Variants in CFAP65 observed in about 807,000 individuals in gnomAD.
The protein encoded by CFAP65 is cilia and flagella associated protein 65.
CFAP65 carries 155 observed loss-of-function variants against 208.0 expected under a neutral mutation model. The ratio of observed to expected loss-of-function variants is 0.75; its 90% CI spans 0.65 to 0.85. The LOEUF is 0.85. Ranked by LOEUF, CFAP65 falls within the 40% of genes least tolerant of loss-of-function variation. The pLI is 0.00. For missense variants in CFAP65, 2,294 were observed against 2,451.3 expected (o/e 0.94, Z 1.36); for synonymous variants, 970 against 986.3 (o/e 0.98, Z 0.31).
At position 219,004,891 on chromosome 2, in the gene CFAP65, C is replaced by G. The variant is rs538925425; in HGVS notation, c.5052-436G>C. Among the ~76,000 whole-genome samples the G allele has an allele frequency of 1.1e-3, 168 of 151,344 alleles. No individual in the cohort carries two copies. Among genetic ancestry groups the G allele is most frequent in the Non-Finnish European group, 1.5e-3 (102 of 67,884 alleles). On this transcript the variant is annotated intron_variant, in intron 32 of 34. Coordinates refer to ENST00000341552, the MANE Select transcript of CFAP65 (RefSeq NM_194302.4). This position sits in a 1 kb window ranked among gnomAD's most constrained non-coding sequence, Gnocchi z 4.7. ...TTCTGTTTCTTTTTTTCTTTTCTCT[C>G]TCTCTCTATTTCTCTCTTTCTTTCT...
At chr2:219,008,717 G>A (rs1372303809) in intron 29 of CFAP65, among the ~76,000 whole-genome samples, 5 of 152,226 alleles carry the variant, frequency 3.3e-5, no homozygotes, top group South Asian at 2.1e-4. Context: ...CTGGGTGACC[G>A]AGTGAGACTC....
In CFAP65 at chr2:219,031,696, G is replaced by A. The variant is rs1327349003; in HGVS notation, c.646-38C>T. The A allele has an allele frequency of 1.9e-6, 3 of 1,565,608 alleles. No homozygotes were observed. The highest frequency in any genetic ancestry group is 1.7e-6 in the Non-Finnish European group (2 of 1,153,662). Reference sequence around the variant, plus strand: ...GCGGGGCAGGGGCAGTCACCCATCAGTGGCATTCAGGGACTGCACATCCCG... The same window carrying A: ...GCGGGGCAGGGGCAGTCACCCATCAATGGCATTCAGGGACTGCACATCCCG... On this transcript the variant is annotated intron_variant, in intron 6 of 34. Coordinates refer to ENST00000341552, the MANE Select transcript of CFAP65 (RefSeq NM_194302.4). The surrounding 1 kb of genome is among the most constrained non-coding windows in gnomAD (Gnocchi z 5.2).
chr2:219,035,397 G>A (rs201961403), intron 5 of CFAP65, 83 bp downstream of exon 5: 1 of 1,606,184 alleles, frequency 6.2e-7, no homozygotes, highest in Admixed American at 1.7e-5. Flanking sequence ...GGTTTTTTTT[G>A]TTTGTTTTGT....
At position 219,030,110 on chromosome 2, in the gene CFAP65, C is replaced by G; in HGVS notation, c.1260G>C (p.Glu420Asp). 4 of 1,614,156 alleles carry G rather than the reference C, an allele frequency of 2.5e-6. No individual in the cohort carries two copies. Among genetic ancestry groups the G allele is most frequent in the Non-Finnish European group, 3.4e-6 (4 of 1,180,008 alleles). The change falls in exon 10 of 35, where the codon GAG (glutamate) becomes GAC (aspartate). Residue 420 changes from glutamate (E) to aspartate (D), a missense_variant. Glu to Asp is a conservative substitution (Grantham distance 45, BLOSUM62 2). Around this residue, in one of 2 missense-constraint regions of CFAP65, gnomAD observed 867 missense variants for 1,012.6 expected, o/e 0.86. Transcript: ENST00000341552. ...GGAAGAACACCGACACACATTTCTT[C>G]TCTCCCGGAAGCACGATGCCATGGG... ...PTAHGIVLPG[E>D]KKCVSVFFHP...
At chr2:219,019,004 T>C in intron 21 of CFAP65, 47 bp downstream of exon 21, 3 of 1,612,992 alleles carry the variant, frequency 1.9e-6, no homozygotes, top group Non-Finnish European at 2.5e-6. Flanking sequence ...CTTCAGCCTC[T>C]AGGCACTTGT....
intron 21 of CFAP65, among the ~76,000 whole-genome samples, chr2:219,016,558 G>C (rs1405626066): frequency 6.6e-6 from 1 of 151,980 alleles, no homozygotes; most frequent in Non-Finnish European, 1.5e-5. Flanking sequence ...GCCTCCCAAA[G>C]TGCTGAGATT....
chr2:219,019,213 G>A lies in CFAP65; in HGVS notation c.3474-34C>T, dbSNP rs757199204. 28 of 1,589,846 alleles carry A rather than the reference G, an allele frequency of 1.8e-5. No individual in the cohort carries two copies. In the East Asian group the frequency reaches 5.4e-4, roughly 31 times the overall value. ...AACAGAGAAAGGGGTTCAGAGATGG[G>A]GATGGGGCCAGGGCAGGGCCCTCCC... On this transcript the variant is annotated intron_variant, in intron 20 of 34. Transcript: ENST00000341552.
Position 219,032,563 on chromosome 2 carries a change from C to T in CFAP65, c.552G>A (p.Lys184=), listed in dbSNP as rs1432459674. 3 of 1,598,096 alleles carry T rather than the reference C, an allele frequency of 1.9e-6. No homozygotes were observed. Among genetic ancestry groups the T allele is most frequent in the South Asian group, 2.3e-5 (2 of 88,064 alleles). ...GGATGACCGTGAAGAAGAACTTGGT[C>T]TTGGGGGGCCTGCAGGAGAGAGCCG... ...KLQKMKYRPP[K]TKFFFTVIPQ... The change falls in exon 6 of 35, where the codon AAG becomes AAA. Residue 184 remains lysine, a synonymous_variant. Transcript: ENST00000341552. This position sits in a 1 kb window ranked among gnomAD's most constrained non-coding sequence, Gnocchi z 5.5.
rs867829414 is a variant in CFAP65 at position 219,004,961 on chromosome 2, C to T, written c.5051+473G>A. 1.5e-5 allele frequency among the ~76,000 whole-genome samples: 2 copies of T among 136,524 alleles called. No homozygotes were observed. Among genetic ancestry groups the T allele is most frequent in the African/African-American group, 6.3e-5 (2 of 31,778 alleles). 89.6% of individuals were successfully genotyped at this position (136,524 alleles called of 152,430 possible). On this transcript the variant is annotated intron_variant, in intron 32 of 34. Coordinates refer to ENST00000341552, the MANE Select transcript of CFAP65 (RefSeq NM_194302.4). The surrounding 1 kb of genome is among the most constrained non-coding windows in gnomAD (Gnocchi z 4.7). Reference sequence around the variant, plus strand: ...TTTCTTTCTTTCTTTCTTTCTTTCTCTCTCTTTCTTTCTTTCTCTCTTTCT... The same window carrying T: ...TTTCTTTCTTTCTTTCTTTCTTTCTTTCTCTTTCTTTCTTTCTCTCTTTCT...
At chr2:219,017,046 C>G (rs1398006590) in intron 21 of CFAP65, among the ~76,000 whole-genome samples, 3 of 152,232 alleles carry the variant, frequency 2.0e-5, no homozygotes, top group African/African-American at 7.2e-5. Context: ...TGAAATGCTG[C>G]ACACACCTCC....
In CFAP65 at chr2:219,003,898, G is replaced by T. The variant is rs1056744252; in HGVS notation, c.5555+54C>A. 1.3e-5 allele frequency: 20 copies of T among 1,565,564 alleles called. No individual in the cohort carries two copies. The African/African-American group carries it at 2.0e-4, about 16-fold the overall frequency. The stretch of plus-strand genomic sequence containing the variant: ...ATCCTTGGCATCCCACTGCCTCCTA[G>T]GAACCTTCTGCACTTCGCCTCCCTC... On this transcript the variant is annotated intron_variant, in intron 33 of 34. Coordinates refer to ENST00000341552, the MANE Select transcript of CFAP65 (RefSeq NM_194302.4). This position sits in a 1 kb window ranked among gnomAD's most constrained non-coding sequence, Gnocchi z 4.4.
intron 14 of CFAP65, 131 bp downstream of exon 14, chr2:219,025,891 C>T (rs895210050): frequency 1.9e-5 from 22 of 1,146,158 alleles, no homozygotes; most frequent in Admixed American, 1.5e-4. Flanking sequence ...GCACAGCGGA[C>T]GTGGGGACAG....
rs140409891 is a variant in CFAP65 at position 219,027,939 on chromosome 2, G to C, written c.1922C>G (p.Thr641Ser). Residue 641 changes from threonine (T) to serine (S), a missense_variant, in exon 13 of 35, where the codon ACC becomes AGC. Transcript: ENST00000341552. The part of the protein sequence containing the change: ...PPMTEFFFDG[T>S]SDITIFPPPI... ...CGGGGGGAAGATGGTTATGTCGCTG[G>C]TGCCGTCGAAGAAGAACTCGGTCAT... 17 of 1,521,396 alleles carry C rather than the reference G, an allele frequency of 1.1e-5. No individual in the cohort carries two copies. In the African/African-American group the frequency reaches 1.9e-4, roughly 17 times the overall value. The allele number at this position is 1,521,396 out of a possible 1,614,324, so 94.2% of individuals were successfully genotyped here.
intron 5 of CFAP65, chr2:219,035,189 G>A (rs959380754): frequency 5.1e-6 from 4 of 789,984 alleles, no homozygotes; most frequent in Non-Finnish European, 7.7e-6. Flanking sequence ...TTGTACTTAT[G>A]TAACTGGACA....
chr2:219,010,892 G>A lies in CFAP65; in HGVS notation c.4062C>T (p.Cys1354=). 1 of 1,613,866 alleles carries A rather than the reference G, an allele frequency of 6.2e-7. No homozygotes were observed. The highest frequency in any genetic ancestry group is 8.5e-7 in the Non-Finnish European group (1 of 1,180,008). The part of the protein sequence containing the change: ...QEKNFDHPIF[C]CLNPKGEIQP... ...GGATCTCCCCTTTGGGGTTGAGGCAGCAAAAGATGGGGTGATCAAAATTTT... is the reference window on the plus strand; with the variant it reads ...GGATCTCCCCTTTGGGGTTGAGGCAACAAAAGATGGGGTGATCAAAATTTT... The change falls in exon 25 of 35, where the codon TGC becomes TGT. Residue 1354 remains cysteine (C), a synonymous_variant. Coordinates refer to ENST00000341552, the MANE Select transcript of CFAP65 (RefSeq NM_194302.4).
intron 21 of CFAP65, chr2:219,018,183 C>A (rs1201414388): frequency 6.6e-6 from 1 of 152,274 alleles, no homozygotes; most frequent in African/African-American, 2.4e-5. Context: ...CCTGGCCAGA[C>A]CCCTGGATCC....
chr2:219,030,918 G>T, intron 8 of CFAP65, 84 bp from the exon 9 acceptor site: 1 of 1,523,616 alleles, frequency 6.6e-7, no homozygotes, highest in Non-Finnish European at 8.8e-7. Context: ...GAAGGCAGGT[G>T]GCCCCAGGGA....
Position 219,013,938 on chromosome 2 carries a change from G to A in CFAP65, c.3709C>T (p.Leu1237Phe), listed in dbSNP as rs763807849. 9.3e-6 allele frequency: 15 copies of A among 1,613,912 alleles called. No homozygotes were observed. Among genetic ancestry groups the A allele is most frequent in the South Asian group, 1.1e-5 (1 of 91,074 alleles). ...LHQMRVQDNC[L>F]FSISPKAGSL... ...CCAGCCTTGGGGCTGATGGAGAAGA[G>A]GCAATTGTCCTGCACGCGCATCTGG... The change falls in exon 22 of 35, where the codon CTC becomes TTC. Residue 1237 changes from leucine (L) to phenylalanine (F), a missense_variant. Leu to Phe is a conservative substitution (Grantham distance 22). Coordinates refer to ENST00000341552, the MANE Select transcript of CFAP65 (RefSeq NM_194302.4).
At chr2:219,036,589 C>G (rs1387186732) in intron 4 of CFAP65, among the ~76,000 whole-genome samples, 1 of 152,008 alleles carries the variant, frequency 6.6e-6, no homozygotes, top group East Asian at 1.9e-4. Flanking sequence ...GGATTACAGG[C>G]ACCCGCCATC....
Sources: allele counts gnomAD v4.1 joint callset (sites outside exome capture counted in the v4.1 genomes callset), GRCh38; gene constraint gnomAD v4.1.1; regional missense constraint gnomAD v4.1.1; non-coding constraint Gnocchi (gnomAD v3.1); transcripts MANE v1.5; gene names NCBI Gene and HGNC (gene_info 2026-07-23, HGNC 2026-07-21).